Variants in LIPM observed in about 807,000 individuals in gnomAD.
LIPM encodes the protein lipase family member M.
In LIPM, 42 loss-of-function variants were observed where a neutral mutation model predicts 42.4. The observed-to-expected ratio is 0.99, with a 90% CI of 0.77 to 1.28. The LOEUF (loss-of-function observed/expected upper bound fraction) is 1.28, where lower values mean the gene tolerates loss of function less well. LIPM is among the 50% of genes most tolerant of loss of function. The pLI, the probability that LIPM is intolerant of heterozygous loss-of-function variation, is 0.00. For synonymous variants in LIPM, 177 were observed against 173.3 expected, an observed-to-expected ratio of 1.02 and a Z score of -0.17; for missense variants, 524 against 520.1, an observed-to-expected ratio of 1.01 and a Z score of -0.07.
At chr10:88,817,748 G>A in intron 7 of LIPM, 77 bp from the exon 8 acceptor site, 1 of 944,806 alleles carries the variant, frequency 1.1e-6, no homozygotes, top group South Asian at 1.4e-5. Flanking sequence ...TGCACACTGG[G>A]TAGCACATTT....
intron 1 of LIPM, among the ~76,000 whole-genome samples, 165 bp from the exon 2 acceptor site, chr10:88,808,133 G>A (rs1220073315): frequency 6.6e-6 from 1 of 152,126 alleles, no homozygotes; most frequent in African/African-American, 2.4e-5. Context: ...AGAAAGTAAG[G>A]ACTAGAGAGG....
intron 3 of LIPM, among the ~76,000 whole-genome samples, chr10:88,813,956 C>T (rs543607413): frequency 2.7e-4 from 41 of 152,296 alleles, no homozygotes; most frequent in Admixed American, 7.8e-4. Flanking sequence ...ACTACCTCCA[C>T]CTGGTCTCTC....
chr10:88,807,638 A>G (rs887072752), intron 1 of LIPM, among the ~76,000 whole-genome samples: 5 of 152,346 alleles, frequency 3.3e-5, no homozygotes, highest in African/African-American at 1.2e-4. Flanking sequence ...TTTTGTATCC[A>G]TTGTATATCC....
chr10:88,802,968 G>A lies in LIPM; in HGVS notation c.72G>A (p.Ala24=), dbSNP rs141827989. The A allele has an allele frequency of 2.5e-5, 39 of 1,551,288 alleles. No homozygotes were observed. The Admixed American group carries it at 2.9e-4, about 12-fold the overall frequency. ...AAATGTGGCTTCTGATTCTGGTGGCGTATATGTTCCAGAGAAATGTGAATT... is the reference window on the plus strand; with the variant it reads ...AAATGTGGCTTCTGATTCTGGTGGCATATATGTTCCAGAGAAATGTGAATT... ...RMEMWLLILV[A]YMFQRNVNSV... Residue 24 remains alanine (A), a synonymous_variant, in exon 1 of 9, where the codon GCG becomes GCA. Coordinates refer to ENST00000404743, the MANE Select transcript of LIPM (RefSeq NM_001128215.1).
chr10:88,806,435 CA>C (rs1843587822), intron 1 of LIPM, among the ~76,000 whole-genome samples: 1 of 152,154 alleles, frequency 6.6e-6, no homozygotes, highest in Non-Finnish European at 1.5e-5. Flanking sequence ...CATATCCTCT[CA>C]ATAACTACTT....
chr10:88,811,496 T>C (rs1226906306), intron 2 of LIPM, among the ~76,000 whole-genome samples: 1 of 152,238 alleles, frequency 6.6e-6, no homozygotes, highest in Non-Finnish European at 1.5e-5. Flanking sequence ...GGCAGCACCT[T>C]ATTAATCTTT....
chr10:88,816,736 A>C (rs2133061578), intron 6 of LIPM, 80 bp from the exon 7 acceptor site: 1 of 867,144 alleles, frequency 1.2e-6, no homozygotes, highest in Non-Finnish European at 1.9e-6. Flanking sequence ...TTAGTCTGAC[A>C]CCCTGGAGAT....
chr10:88,815,667 T>C (rs1843711068), intron 6 of LIPM, among the ~76,000 whole-genome samples, 164 bp downstream of exon 6: 1 of 152,210 alleles, frequency 6.6e-6, no homozygotes, highest in Admixed American at 6.5e-5. Flanking sequence ...AATGCTTCAG[T>C]ATGGACTGAA....
chr10:88,816,100 T>C (rs1179344126), intron 6 of LIPM, among the ~76,000 whole-genome samples: 1 of 152,168 alleles, frequency 6.6e-6, no homozygotes, highest in Admixed American at 6.5e-5. Context: ...TTTTTGAAGA[T>C]AGGATGACCC....
intron 1 of LIPM, chr10:88,806,137 CT>C: frequency 2.8e-6 from 1 of 357,140 alleles, no homozygotes; most frequent in Non-Finnish European, 5.5e-6. Context: ...GGGACCAGTC[CT>C]TTATTGCCTG....
At chr10:88,805,266 T>C (rs1564594542) in intron 1 of LIPM, among the ~76,000 whole-genome samples, 2 of 152,042 alleles carry the variant, frequency 1.3e-5, no homozygotes, top group African/African-American at 4.8e-5. Context: ...AAACATAAAA[T>C]AGGGGGAACT....
rs754699630 is a variant in LIPM at position 88,814,597 on chromosome 10, G to A, written c.532G>A (p.Glu178Lys). The A allele has an allele frequency of 1.9e-6, 3 of 1,552,010 alleles. No homozygotes were observed. The highest frequency in any genetic ancestry group is 1.2e-5 in the South Asian group (1 of 84,058). ...INFILQKTGQEKIYYVGYSQG... is the reference protein window; with the variant it reads ...INFILQKTGQKKIYYVGYSQG... ...CTTTATTTTGCAGAAAACGGGCCAG[G>A]AAAAGATCTATTATGTCGGCTATTC... Residue 178 changes from glutamate to lysine, a missense_variant, in exon 4 of 9, where the codon GAA (glutamate) becomes AAA (lysine). Transcript: ENST00000404743.
Position 88,815,430 on chromosome 10 carries a change from A to G in LIPM, c.785A>G (p.Gln262Arg), listed in dbSNP as rs1402072780. Residue 262 changes from glutamine to arginine, a missense_variant, in exon 6 of 9, where the codon CAG (glutamine) becomes CGG (arginine). Gln to Arg is a conservative substitution (Grantham distance 43). Transcript: ENST00000404743. The part of the protein sequence containing the change: ...LRQLVIYLCG[Q>R]VILDQICSNI... ...CAACTTGTTATTTACCTTTGTGGCC[A>G]GGTGATTCTTGATCAGATTTGTAGT... 5.8e-6 allele frequency: 9 copies of G among 1,551,388 alleles called. No individual in the cohort carries two copies. The highest frequency in any genetic ancestry group is 2.7e-5 in the African/African-American group (2 of 73,044).
chr10:88,814,464 T>TG lies in LIPM; in HGVS notation c.465-66_465-65insG, dbSNP rs1261299890. On this transcript the variant is annotated intron_variant, in intron 3 of 8. Coordinates refer to ENST00000404743, the MANE Select transcript of LIPM (RefSeq NM_001128215.1). The stretch of plus-strand genomic sequence containing the variant: ...CAAGGGCTTGTTTGTAAACCTGGTG[T>TG]CGGGGGGAGCTTTTGTTTGTTTCTG... The TG allele has an allele frequency of 1.0e-5, 11 of 1,075,654 alleles. No individual in the cohort carries two copies. In the African/African-American group the frequency reaches 1.1e-4, roughly 11 times the overall value. 66.6% of individuals were successfully genotyped at this position (1,075,654 alleles called of 1,614,324 possible). A position where few individuals can be genotyped will look rare whatever the true frequency, so the allele number is the denominator to read the frequency against.
At chr10:88,808,773 A>C (rs2133053036) in intron 2 of LIPM, among the ~76,000 whole-genome samples, 1 of 152,312 alleles carries the variant, frequency 6.6e-6, no homozygotes, top group East Asian at 1.9e-4. Context: ...CTGATTATGA[A>C]GAATTCAAGC....
intron 2 of LIPM, among the ~76,000 whole-genome samples, chr10:88,812,590 A>G (rs1843668078): frequency 6.6e-6 from 1 of 152,196 alleles, no homozygotes; most frequent in Non-Finnish European, 1.5e-5. Context: ...TCAATGGGAT[A>G]TAATTATTTA....
chr10:88,814,234 A>G (rs1427519333), intron 3 of LIPM, among the ~76,000 whole-genome samples: 1 of 152,232 alleles, frequency 6.6e-6, no homozygotes, highest in East Asian at 1.9e-4. Context: ...GCTTAACAGT[A>G]GAACAGGACA....
At chr10:88,813,519 T>C (rs990972733) in intron 3 of LIPM, among the ~76,000 whole-genome samples, 5 of 151,850 alleles carry the variant, frequency 3.3e-5, no homozygotes, top group African/African-American at 1.2e-4. Flanking sequence ...AGGGTGAGAA[T>C]GGTGGTTGGT....
Position 88,806,903 on chromosome 10 carries a change from ATGG to A in LIPM, c.148-1393_148-1391del, listed in dbSNP as rs1407413202. Among the ~76,000 whole-genome samples the A allele has an allele frequency of 2.0e-5, 3 of 151,932 alleles. No individual in the cohort carries two copies. In the East Asian group the frequency reaches 5.8e-4, roughly 29 times the overall value. On this transcript the variant is annotated intron_variant, in intron 1 of 8. Coordinates refer to ENST00000404743, the MANE Select transcript of LIPM (RefSeq NM_001128215.1). ...ATGGTGTTTCACCATGTTGGCCAGGATGGTCTCGATCTCCTGACCTTGTGATCC... is the reference window on the plus strand; with the variant it reads ...ATGGTGTTTCACCATGTTGGCCAGGATCTCGATCTCCTGACCTTGTGATCC...
Sources: gnomAD v4.1 joint callset for allele counts (sites outside exome capture counted in the v4.1 genomes callset) on GRCh38, gnomAD v4.1.1 for gene constraint, MANE v1.5 for transcripts, NCBI Gene and HGNC (gene_info 2026-07-23, HGNC 2026-07-21) for gene names.